Variants in TBL1XR1 observed in about 807,000 individuals in gnomAD.
The protein encoded by TBL1XR1 is TBL1X/Y related 1.
In TBL1XR1, 5 loss-of-function variants were observed where a neutral mutation model predicts 66.9. The ratio of observed to expected loss-of-function variants is 0.07; its 90% confidence interval spans 0.04 to 0.16. TBL1XR1 has a LOEUF of 0.16. Among genes scored for constraint, TBL1XR1 ranks in the 10% least tolerant of loss-of-function variants. The probability of loss-of-function intolerance (pLI) is 1.00; values close to 1 mark genes in which losing one functional copy is unlikely to be tolerated. For missense variants in TBL1XR1, 238 were observed against 623.2 expected (o/e 0.38, Z 6.58); for synonymous variants, 210 against 206.0 (o/e 1.02, Z -0.17).
intron 15 of TBL1XR1, chr3:177,026,150 T>C (rs1713093056): frequency 3.9e-6 from 2 of 516,860 alleles, no homozygotes; most frequent in Non-Finnish European, 3.3e-6. Context: ...AAAATAACTG[T>C]CCATTTCTAG....
chr3:177,066,194 G>A (rs551789928), intron 2 of TBL1XR1, among the ~76,000 whole-genome samples: 2 of 152,070 alleles, frequency 1.3e-5, no homozygotes, highest in Non-Finnish European at 2.9e-5. Flanking sequence ...CATTTGAGTA[G>A]GCTACCAGGT....
At chr3:177,147,431 C>T (rs1477223028) in intron 1 of TBL1XR1, among the ~76,000 whole-genome samples, 3 of 152,138 alleles carry the variant, frequency 2.0e-5, no homozygotes, top group South Asian at 2.1e-4. Flanking sequence ...TTTTTCCTAA[C>T]CAGCAAGTTT....
chr3:177,178,198 C>T (rs764155515), intron 1 of TBL1XR1, among the ~76,000 whole-genome samples: 5 of 152,034 alleles, frequency 3.3e-5, no homozygotes, highest in Non-Finnish European at 5.9e-5. Context: ...GGCCAGATCG[C>T]ACAGCAGAGT....
intron 2 of TBL1XR1, among the ~76,000 whole-genome samples, chr3:177,080,164 A>T (rs1277574589): frequency 6.6e-6 from 1 of 152,160 alleles, no homozygotes; most frequent in Non-Finnish European, 1.5e-5. Context: ...ACATACACAA[A>T]ATTTTAAATT....
At chr3:177,146,522 G>A (rs113226998) in intron 1 of TBL1XR1, among the ~76,000 whole-genome samples, 19 of 137,512 alleles carry the variant, frequency 1.4e-4, no homozygotes, top group East Asian at 4.6e-4. Flanking sequence ...CCCAGGAGGC[G>A]GAGGTTGTGG....
Position 177,166,532 on chromosome 3 carries a change from T to C in TBL1XR1, c.-122+30589A>G, listed in dbSNP as rs78224897. 1.0e-3 allele frequency among the ~76,000 whole-genome samples: 152 copies of C among 152,266 alleles called. 3 individuals carry two copies. In the East Asian group the frequency reaches 0.024, roughly 24 times the overall value. On this transcript the variant is annotated intron_variant, in intron 1 of 15. Coordinates refer to ENST00000457928, the MANE Select transcript of TBL1XR1 (RefSeq NM_024665.7). ...AGCTTCCCCCATGCTGTTCTGATAA[T>C]AGTGAGTTCTCTGATGGTTTTATAT... is the stretch of plus-strand genomic sequence containing the variant.
Position 177,025,157 on chromosome 3 carries a change from C to G in TBL1XR1, c.*341G>C, listed in dbSNP as rs1576954611. 4.0e-6 allele frequency: 1 copy of G among 250,972 alleles called. No individual in the cohort carries two copies. The highest frequency in any genetic ancestry group is 2.2e-5 in the African/African-American group (1 of 44,858). The allele number at this position is 250,972 out of a possible 1,614,324, so 15.5% of individuals were successfully genotyped here. A position where few individuals can be genotyped will look rare whatever the true frequency, so the allele number is the denominator to read the frequency against. On this transcript the variant is annotated 3_prime_UTR_variant, in exon 16 of 16. Coordinates refer to ENST00000457928, the MANE Select transcript of TBL1XR1 (RefSeq NM_024665.7). Reference sequence around the variant, plus strand: ...GCTGATTCAAAGGGGAGAAACAAGGCTGTCATTTAGTATCCAAAAACTGGT... The same window carrying G: ...GCTGATTCAAAGGGGAGAAACAAGGGTGTCATTTAGTATCCAAAAACTGGT...
At position 177,019,946 on chromosome 3, in the gene TBL1XR1, TAAAC is replaced by T. The variant is rs1174646860; in HGVS notation, c.*5548_*5551del. On this transcript the variant is annotated 3_prime_UTR_variant, in exon 16 of 16. Transcript: ENST00000457928. ...TTGAATTTATTTCTGTTTAAGGAAA[TAAAC>T]AGGAAAAATAGAAGACCTAGAGAGT... 1 of 133,588 alleles carries T rather than the reference TAAAC, an allele frequency of 7.5e-6. No homozygotes were observed. Among genetic ancestry groups the T allele is most frequent in the African/African-American group, 2.8e-5 (1 of 35,556 alleles). 8.3% of individuals were successfully genotyped at this position (133,588 alleles called of 1,614,324 possible).
chr3:177,177,452 A>T (rs932635003), intron 1 of TBL1XR1, among the ~76,000 whole-genome samples: 1 of 152,216 alleles, frequency 6.6e-6, no homozygotes, highest in Non-Finnish European at 1.5e-5. Context: ...TCCATCTCAA[A>T]AAAAATAAAA....
intron 2 of TBL1XR1, among the ~76,000 whole-genome samples, chr3:177,094,708 A>G (rs1055182660): frequency 6.6e-6 from 1 of 152,216 alleles, no homozygotes; most frequent in East Asian, 1.9e-4. Flanking sequence ...TAAGTGAAGT[A>G]ACTCAGGAAT....
At chr3:177,123,782 C>G (rs1727273328) in intron 1 of TBL1XR1, among the ~76,000 whole-genome samples, 1 of 125,162 alleles carries the variant, frequency 8.0e-6, no homozygotes, top group South Asian at 2.6e-4. Flanking sequence ...ACATTTTCTC[C>G]TGAGTACATT....
At chr3:177,098,318 A>T (rs1315196662) in intron 2 of TBL1XR1, 148 bp downstream of exon 2, 1 of 236,904 alleles carries the variant, frequency 4.2e-6, no homozygotes, top group Non-Finnish European at 6.9e-6. Context: ...ACATATATTT[A>T]AAAAGAATAA....
At chr3:177,078,399 C>A (rs1248426853) in intron 2 of TBL1XR1, among the ~76,000 whole-genome samples, 1 of 151,168 alleles carries the variant, frequency 6.6e-6, no homozygotes, top group Non-Finnish European at 1.5e-5. Context: ...CATAGGGAGA[C>A]CCAGGATCTA....
At chr3:177,185,037 A>G (rs937988444) in intron 1 of TBL1XR1, among the ~76,000 whole-genome samples, 12 of 151,900 alleles carry the variant, frequency 7.9e-5, no homozygotes, top group African/African-American at 2.9e-4. Flanking sequence ...CCAAAGAAAT[A>G]AAGTTTTTAA....
At chr3:177,056,675 T>C (rs1269214551) in intron 3 of TBL1XR1, among the ~76,000 whole-genome samples, 1 of 152,110 alleles carries the variant, frequency 6.6e-6, no homozygotes, top group East Asian at 1.9e-4. Flanking sequence ...CTTCTTCCCC[T>C]CCCTAAAACT....
At chr3:177,071,947 G>GC (rs762833025) in intron 2 of TBL1XR1, among the ~76,000 whole-genome samples, 1 of 152,096 alleles carries the variant, frequency 6.6e-6, no homozygotes, top group Non-Finnish European at 1.5e-5. Context: ...AAACAAAAAA[G>GC]CCCCCAGGGC....
intron 1 of TBL1XR1, among the ~76,000 whole-genome samples, chr3:177,180,521 A>G (rs1037239909): frequency 1.3e-5 from 2 of 152,062 alleles, no homozygotes; most frequent in Non-Finnish European, 2.9e-5. Context: ...ATTTTTTAGA[A>G]TATCACTAAA....
At chr3:177,106,058 C>T (rs1310764403) in intron 1 of TBL1XR1, among the ~76,000 whole-genome samples, 1 of 152,032 alleles carries the variant, frequency 6.6e-6, no homozygotes, top group Non-Finnish European at 1.5e-5. Context: ...TAAACTCAAT[C>T]TGTCTCCCAA....
chr3:177,168,885 A>G lies in TBL1XR1; in HGVS notation c.-122+28236T>C, dbSNP rs554850018. 2.0e-5 allele frequency among the ~76,000 whole-genome samples: 3 copies of G among 152,358 alleles called. No individual in the cohort carries two copies. In the South Asian group the frequency reaches 6.2e-4, roughly 32 times the overall value. On this transcript the variant is annotated intron_variant, in intron 1 of 15. Transcript: ENST00000457928. ...CAGCCATTTTATGGTTTTCCATAAT[A>G]GGAAAATACAGATTTGGAGAGGGGG...
Sources: gnomAD v4.1 joint callset for allele counts (sites outside exome capture counted in the v4.1 genomes callset) on GRCh38, gnomAD v4.1.1 for gene constraint, MANE v1.5 for transcripts, NCBI Gene and HGNC (gene_info 2026-07-23, HGNC 2026-07-21) for gene names.